The following ARAP3 variants were observed in gnomAD, a reference collection of about 807,000 sequenced individuals.
The protein encoded by ARAP3 is ArfGAP with RhoGAP domain, ankyrin repeat and PH domain 3.
A neutral mutation model predicts 169.2 loss-of-function variants in ARAP3; 82 were observed. The observed-to-expected ratio is 0.48, with a 90% CI of 0.41 to 0.58. ARAP3 has a LOEUF of 0.58. Among genes scored for constraint, ARAP3 ranks in the 20% least tolerant of loss-of-function variants. The probability of loss-of-function intolerance (pLI) is 0.00; values close to 1 mark genes in which losing one functional copy is unlikely to be tolerated. For missense variants in ARAP3, 1,764 were observed against 2,018.0 expected (o/e 0.87, Z 2.41); for synonymous variants, 791 against 800.3 (o/e 0.99, Z 0.20).
intron 23 of ARAP3, among the ~76,000 whole-genome samples, chr5:141,659,077 C>G (rs1490508389): frequency 6.6e-6 from 1 of 152,194 alleles, no homozygotes; most frequent in African/African-American, 2.4e-5. Context: ...ATTATTCTCA[C>G]TGCTTTGTCT....
At position 141,656,313 on chromosome 5, in the gene ARAP3, G is replaced by C. The variant is rs13359221; in HGVS notation, c.3790-37C>G. The C allele has an allele frequency of 2.9e-5, 47 of 1,611,812 alleles. No individual in the cohort carries two copies. The African/African-American group carries it at 6.0e-4, about 21-fold the overall frequency. ...AACAGAGTCAGCGAGATGGAGAGAT[G>C]AGAGATCATGGTTAATGAGGTCAAG... On this transcript the variant is annotated intron_variant, in intron 27 of 32. Coordinates refer to ENST00000239440, the MANE Select transcript of ARAP3 (RefSeq NM_022481.6).
intron 23 of ARAP3, 94 bp downstream of exon 23, chr5:141,659,314 A>T (rs1596477148): frequency 8.3e-7 from 1 of 1,200,820 alleles, no homozygotes; most frequent in East Asian, 2.3e-5. Flanking sequence ...CCAGAAGGAC[A>T]GGCTGGAAAC....
chr5:141,655,899 C>T lies in ARAP3; in HGVS notation c.3942G>A (p.Trp1314Ter). 2.5e-6 allele frequency: 4 copies of T among 1,613,976 alleles called. No individual in the cohort carries two copies. Among genetic ancestry groups the T allele is most frequent in the Non-Finnish European group, 3.4e-6 (4 of 1,179,912 alleles). The change falls in exon 30 of 33, where the codon TGG (tryptophan) becomes TGA (stop). Residue 1314 changes from tryptophan to a stop codon, truncating the protein, a stop_gained. Coordinates refer to ENST00000239440, the MANE Select transcript of ARAP3 (RefSeq NM_022481.6). LOFTEE classifies it high-confidence loss of function. ...YLSCTDEDEM[W>*]DWTTSILKAQ... ...CTTTAAGGATGCTGGTGGTCCAATCCCACATTTCATCCTCGTCAGTGCAGG... is the reference window on the plus strand; with the variant it reads ...CTTTAAGGATGCTGGTGGTCCAATCTCACATTTCATCCTCGTCAGTGCAGG...
chr5:141,675,909 T>C (rs1457180225), intron 4 of ARAP3, among the ~76,000 whole-genome samples: 1 of 152,128 alleles, frequency 6.6e-6, no homozygotes, highest in Non-Finnish European at 1.5e-5. Flanking sequence ...TAAACACTCG[T>C]GTCTAAAGCC....
At chr5:141,665,280 G>A (rs1236523885) in intron 18 of ARAP3, 31 bp downstream of exon 18, 1 of 1,612,310 alleles carries the variant, frequency 6.2e-7, no homozygotes, top group Admixed American at 1.7e-5. Context: ...CCAGGAAGGG[G>A]AGCCCCAGGT....
rs1491503001 is a variant in ARAP3 at position 141,655,258 on chromosome 5, A to ACACACACACAC, written c.4149+103_4149+104insGTGTGTGTGTG. On this transcript the variant is annotated intron_variant, in intron 32 of 32. Transcript: ENST00000239440. ...CACACACACACACACACACACACAC[A>ACACACACACAC]CCCCCTGATGGCCTACATGAGGAAA... 25 of 1,109,494 alleles carry ACACACACACAC rather than the reference A, an allele frequency of 2.3e-5. 1 individual carries two copies. The highest frequency in any genetic ancestry group is 2.1e-4 in the Middle Eastern group (1 of 4,676). 68.7% of individuals were successfully genotyped at this position (1,109,494 alleles called of 1,614,324 possible). A position where few individuals can be genotyped will look rare whatever the true frequency, so the allele number is the denominator to read the frequency against.
At chr5:141,676,606 C>T (rs977872101) in intron 4 of ARAP3, among the ~76,000 whole-genome samples, 17 of 152,268 alleles carry the variant, frequency 1.1e-4, no homozygotes, top group Middle Eastern at 3.4e-3. Flanking sequence ...GCGTAGGACA[C>T]AGCTGGCCTC....
intron 25 of ARAP3, among the ~76,000 whole-genome samples, 182 bp from the exon 26 acceptor site, chr5:141,657,028 C>A (rs2099909347): frequency 6.6e-6 from 1 of 152,164 alleles, no homozygotes; most frequent in South Asian, 2.1e-4. Flanking sequence ...ACATGGCCTC[C>A]CTTCACAAAG....
intron 1 of ARAP3, among the ~76,000 whole-genome samples, 181 bp downstream of exon 1, chr5:141,681,992 G>A (rs2154599384): frequency 6.7e-6 from 1 of 149,394 alleles, no homozygotes; most frequent in Non-Finnish European, 1.5e-5. Flanking sequence ...CGCAGGCTGC[G>A]ACGAGGGAGG....
intron 4 of ARAP3, among the ~76,000 whole-genome samples, chr5:141,678,112 A>G (rs997074016): frequency 1.4e-4 from 22 of 151,844 alleles, no homozygotes; most frequent in African/African-American, 5.3e-4. Flanking sequence ...ACGCCCGGCT[A>G]TATTTTTTTT....
rs925033847 is a variant in ARAP3, at chr5:141,669,613, T to C, written c.2352+96A>G. The C allele has an allele frequency of 4.2e-6, 5 of 1,176,810 alleles. No homozygotes were observed. The African/African-American group carries it at 6.1e-5, about 14-fold the overall frequency. 72.9% of individuals were successfully genotyped at this position (1,176,810 alleles called of 1,614,324 possible). A position where few individuals can be genotyped will look rare whatever the true frequency, so the allele number is the denominator to read the frequency against. ...GTGCTCAGTCACCCTTAGCTGTTAG[T>C]GGAAGAAGTGGCTGTAGGAATAAGA... On this transcript the variant is annotated intron_variant, in intron 16 of 32. Transcript: ENST00000239440.
Position 141,672,934 on chromosome 5 carries a change from G to A in ARAP3, c.1094-9C>T. The stretch of plus-strand genomic sequence containing the variant: ...CCACATGTCCCGCTGAGCTGGTGGG[G>A]ATGGAGAAGCAGGTCAGTGGCTGTT... On this transcript the variant is annotated splice_polypyrimidine_tract_variant and intron_variant, in intron 7 of 32. Transcript: ENST00000239440. The surrounding 1 kb of genome is among the most constrained non-coding windows in gnomAD (Gnocchi z 4.9). The A allele has an allele frequency of 1.2e-6, 2 of 1,611,852 alleles. No homozygotes were observed. Among genetic ancestry groups the A allele is most frequent in the Non-Finnish European group, 1.7e-6 (2 of 1,178,728 alleles).
Position 141,671,160 on chromosome 5 carries a change from G to C in ARAP3, c.1990+105C>G, listed in dbSNP as rs1357399090. ...TCTGAGGGTTTGGGAAACTGCCCAG[G>C]CTGGGCCATTGTGATCAGCTAATTG... On this transcript the variant is annotated intron_variant, in intron 13 of 32. Coordinates refer to ENST00000239440, the MANE Select transcript of ARAP3 (RefSeq NM_022481.6). The surrounding 1 kb of genome is among the most constrained non-coding windows in gnomAD (Gnocchi z 4.9). 2.1e-6 allele frequency: 3 copies of C among 1,443,454 alleles called. No homozygotes were observed. The highest frequency in any genetic ancestry group is 1.9e-6 in the Non-Finnish European group (2 of 1,064,934). The allele number at this position is 1,443,454 out of a possible 1,614,324, so 89.4% of individuals were successfully genotyped here.
chr5:141,676,517 C>T (rs967558567), intron 4 of ARAP3, among the ~76,000 whole-genome samples: 3 of 152,158 alleles, frequency 2.0e-5, no homozygotes, highest in African/African-American at 7.2e-5. Context: ...TGAGACTGTA[C>T]TTGTCAAGAT....
Position 141,669,827 on chromosome 5 carries a change from G to T in ARAP3, c.2250-16C>A, listed in dbSNP as rs781741816. The T allele has an allele frequency of 6.2e-7, 1 of 1,613,706 alleles. No individual in the cohort carries two copies. The highest frequency in any genetic ancestry group is 2.2e-5 in the East Asian group (1 of 44,872). ...AAAGGGGAACCTGGAGAGAAGATGAGGTCAGGGAGGAGGATGGGACCAATG... is the reference window on the plus strand; with the variant it reads ...AAAGGGGAACCTGGAGAGAAGATGATGTCAGGGAGGAGGATGGGACCAATG... On this transcript the variant is annotated splice_polypyrimidine_tract_variant and intron_variant, in intron 15 of 32. Coordinates refer to ENST00000239440, the MANE Select transcript of ARAP3 (RefSeq NM_022481.6).
chr5:141,675,037 C>G (rs192394234), intron 4 of ARAP3, among the ~76,000 whole-genome samples: 1 of 152,200 alleles, frequency 6.6e-6, no homozygotes, highest in East Asian at 1.9e-4. Flanking sequence ...CAGTGAGGCC[C>G]GTAGGCCACT....
intron 16 of ARAP3, among the ~76,000 whole-genome samples, chr5:141,667,473 T>C (rs576416440): frequency 6.6e-6 from 1 of 150,410 alleles, no homozygotes; most frequent in Non-Finnish European, 1.5e-5. Flanking sequence ...TGCTCTTCTC[T>C]CCCAGGGTGG....
chr5:141,680,501 T>C lies in ARAP3; in HGVS notation c.-15A>G, dbSNP rs752664865. 5.1e-6 allele frequency: 8 copies of C among 1,575,328 alleles called. No individual in the cohort carries two copies. The East Asian group carries it at 1.6e-4, about 31-fold the overall frequency. ...GGGGCAGCCATGGGGGCTCAGGCCA[T>C]TGCTGGGGGGAGGGGCAGGGTGAAG... is the stretch of plus-strand genomic sequence containing the variant. On this transcript the variant is annotated splice_region_variant and 5_prime_UTR_variant, in exon 2 of 33. An upstream start codon of the reference 5' UTR is lost. Transcript: ENST00000239440.
In ARAP3 at chr5:141,659,869, A is replaced by G; in HGVS notation, c.3177T>C (p.Phe1059=). 6.3e-7 allele frequency: 1 copy of G among 1,598,902 alleles called. No individual in the cohort carries two copies. Among genetic ancestry groups the G allele is most frequent in the Non-Finnish European group, 8.5e-7 (1 of 1,173,430 alleles). Residue 1059 remains phenylalanine (F), a synonymous_variant, in exon 22 of 33, where the codon TTT becomes TTC. Transcript: ENST00000239440. ...CATCCGTCTGGAACACGCTGGGTGC[A>G]AACAGCAGAGCCAAGTTCCGCGTGC... ...QMCTRNLALL[F]APSVFQTDGR...
Sources: gnomAD v4.1 joint callset for allele counts (sites outside exome capture counted in the v4.1 genomes callset) on GRCh38, gnomAD v4.1.1 for gene constraint, Gnocchi (gnomAD v3.1) non-coding constraint, MANE v1.5 for transcripts, NCBI Gene and HGNC (gene_info 2026-07-23, HGNC 2026-07-21) for gene names.